Variants in CCDC148 observed in about 807,000 individuals in gnomAD.
The protein encoded by CCDC148 is coiled-coil domain containing 148.
In CCDC148, 89 loss-of-function variants were observed where a neutral mutation model predicts 85.7. That is an observed-to-expected ratio of 1.04 (90% CI 0.87 to 1.24). CCDC148 has a LOEUF of 1.24. Ranked by LOEUF, CCDC148 falls within the 50% of genes most tolerant of loss-of-function variation. The pLI is 0.00. For missense variants in CCDC148, 692 were observed against 671.7 expected, an observed-to-expected ratio of 1.03 and a Z score of -0.33; for synonymous variants, 230 against 213.9, an observed-to-expected ratio of 1.08 and a Z score of -0.66.
chr2:158,338,802 T>C lies in CCDC148; in HGVS notation c.688A>G (p.Ser230Gly). ...PYPDLKSSIL[S>G]EFYKFTQKYQ... The stretch of plus-strand genomic sequence containing the variant: ...TTCTGTGTAAACTTATAGAACTCAC[T>C]GAGAATTGAAGATTTCAAATCAGGG... Residue 230 changes from serine to glycine, a missense_variant, in exon 7 of 14, where the codon AGT becomes GGT. Coordinates refer to ENST00000283233, the MANE Select transcript of CCDC148 (RefSeq NM_138803.4). The C allele has an allele frequency of 1.2e-6, 2 of 1,611,984 alleles. No homozygotes were observed. The highest frequency in any genetic ancestry group is 1.7e-6 in the Non-Finnish European group (2 of 1,179,342).
chr2:158,450,427 G>A (rs1054149985), intron 1 of CCDC148, among the ~76,000 whole-genome samples: 1 of 152,202 alleles, frequency 6.6e-6, no homozygotes, highest in African/African-American at 2.4e-5. Context: ...TGACTTGCCA[G>A]GTGCCCTGCA....
chr2:158,263,287 G>A (rs986121296), intron 9 of CCDC148, among the ~76,000 whole-genome samples: 23 of 152,148 alleles, frequency 1.5e-4, no homozygotes, highest in Non-Finnish European at 1.6e-4. Context: ...TCTGCAGTGC[G>A]TAGAGGGCAC....
At chr2:158,428,018 AGAGT>A (rs1687157192) in intron 1 of CCDC148, among the ~76,000 whole-genome samples, 2 of 152,172 alleles carry the variant, frequency 1.3e-5, no homozygotes, top group Non-Finnish European at 2.9e-5. Flanking sequence ...ATTTAGGATT[AGAGT>A]CTTTATCCTA....
intron 9 of CCDC148, among the ~76,000 whole-genome samples, chr2:158,260,493 T>C (rs1467047140): frequency 6.6e-6 from 1 of 151,982 alleles, no homozygotes; most frequent in East Asian, 1.9e-4. Context: ...TGCAACATAG[T>C]ATTAGAAGTC....
chr2:158,353,284 A>G (rs912314354), intron 2 of CCDC148, among the ~76,000 whole-genome samples: 6 of 137,872 alleles, frequency 4.4e-5, no homozygotes, highest in African/African-American at 1.1e-4. Context: ...AGACTGGCAA[A>G]TTGGATAAAG....
At chr2:158,220,836 T>C in intron 10 of CCDC148, 123 bp from the exon 11 acceptor site, 1 of 696,394 alleles carries the variant, frequency 1.4e-6, no homozygotes, top group Non-Finnish European at 2.4e-6. Context: ...TTCATCTTTT[T>C]TGTTTCATAG....
rs180750817 is a variant in CCDC148 at position 158,242,228 on chromosome 2, C to G, written c.1251+8544G>C. Among the ~76,000 whole-genome samples the G allele has an allele frequency of 2.1e-3, 312 of 152,148 alleles. 1 individual carries two copies. Among genetic ancestry groups the G allele is most frequent in the Non-Finnish European group, 3.8e-3 (258 of 67,974 alleles). ...ATAGTTTCTGAATCAGCATTAAAAC[C>G]ACTGCCTCTCATTATTATTATCTTT... is the stretch of plus-strand genomic sequence containing the variant. On this transcript the variant is annotated intron_variant, in intron 10 of 13. Coordinates refer to ENST00000283233, the MANE Select transcript of CCDC148 (RefSeq NM_138803.4).
intron 11 of CCDC148, among the ~76,000 whole-genome samples, chr2:158,209,420 C>T (rs532553913): frequency 6.6e-6 from 1 of 152,128 alleles, no homozygotes; most frequent in African/African-American, 2.4e-5. Flanking sequence ...ATAAAGACAT[C>T]AATACATCAA....
At position 158,226,101 on chromosome 2, in the gene CCDC148, A is replaced by C. The variant is rs1375788577; in HGVS notation, c.1252-5388T>G. On this transcript the variant is annotated intron_variant, in intron 10 of 13. Coordinates refer to ENST00000283233, the MANE Select transcript of CCDC148 (RefSeq NM_138803.4). ...AAAGAGAGAAGAATCAAATAGACGC[A>C]ATAAAAAATGATAAAGGGGATATCA... Among the ~76,000 whole-genome samples, 3 of 152,238 alleles carry C rather than the reference A, an allele frequency of 2.0e-5. No individual in the cohort carries two copies. The East Asian group carries it at 5.8e-4, about 29-fold the overall frequency.
At chr2:158,341,002 G>C (rs975023060) in intron 3 of CCDC148, among the ~76,000 whole-genome samples, 3 of 152,124 alleles carry the variant, frequency 2.0e-5, no homozygotes, top group Admixed American at 6.6e-5. Context: ...AGATTCCCAA[G>C]ACAACAAGAT....
rs922702970 is a variant in CCDC148 at position 158,434,499 on chromosome 2, A to T, written c.25+21916T>A. On this transcript the variant is annotated intron_variant, in intron 1 of 13. Transcript: ENST00000283233. Reference sequence around the variant, plus strand: ...CACCATCATAGAAGACCAAAGGTAGATAAAACCACAAAGATGGGGTAACCA... The same window carrying T: ...CACCATCATAGAAGACCAAAGGTAGTTAAAACCACAAAGATGGGGTAACCA... Among the ~76,000 whole-genome samples the T allele has an allele frequency of 3.3e-5, 5 of 152,354 alleles. No homozygotes were observed. The East Asian group carries it at 9.6e-4, about 29-fold the overall frequency.
intron 3 of CCDC148, among the ~76,000 whole-genome samples, chr2:158,344,211 G>A (rs1682882106): frequency 1.3e-5 from 2 of 151,980 alleles, no homozygotes; most frequent in South Asian, 4.2e-4. Context: ...TCCATAAAAG[G>A]TGACTTTTTG....
intron 7 of CCDC148, among the ~76,000 whole-genome samples, chr2:158,323,843 A>G (rs1692631603): frequency 6.6e-6 from 1 of 151,904 alleles, no homozygotes; most frequent in Non-Finnish European, 1.5e-5. Context: ...GATTTTTAAA[A>G]ACATGTATTT....
chr2:158,398,694 A>G (rs539432988), intron 1 of CCDC148, among the ~76,000 whole-genome samples: 2 of 152,220 alleles, frequency 1.3e-5, no homozygotes, highest in South Asian at 2.1e-4. Context: ...AATCGACACC[A>G]TAACAACACA....
At position 158,276,377 on chromosome 2, in the gene CCDC148, T is replaced by G. The variant is rs1366534151; in HGVS notation, c.1111-25465A>C. 3.9e-5 allele frequency among the ~76,000 whole-genome samples: 6 copies of G among 152,224 alleles called. No individual in the cohort carries two copies. The East Asian group carries it at 7.7e-4, about 20-fold the overall frequency. ...TGAACCTGGGAAGCGGAGGTTGCAGTGAGCTGAGATCACACCACTGCACTC... is the reference window on the plus strand; with the variant it reads ...TGAACCTGGGAAGCGGAGGTTGCAGGGAGCTGAGATCACACCACTGCACTC... On this transcript the variant is annotated intron_variant, in intron 9 of 13. Coordinates refer to ENST00000283233, the MANE Select transcript of CCDC148 (RefSeq NM_138803.4).
At chr2:158,333,695 G>T (rs1400520076) in intron 7 of CCDC148, among the ~76,000 whole-genome samples, 1 of 152,122 alleles carries the variant, frequency 6.6e-6, no homozygotes, top group Non-Finnish European at 1.5e-5. Flanking sequence ...GGATCTGGGT[G>T]CTCCTGTATT....
Position 158,338,989 on chromosome 2 carries a change from C to G in CCDC148, c.582+1G>C, listed in dbSNP as rs759665333. ...TAAATTATTAGCCACATCACACTTA[C>G]CTTTATACTCCAGTCTGAAAGATCA... On this transcript the variant is annotated splice_donor_variant, in intron 6 of 13. Transcript: ENST00000283233. LOFTEE classifies it high-confidence loss of function. 5 of 1,611,706 alleles carry G rather than the reference C, an allele frequency of 3.1e-6. No individual in the cohort carries two copies. The highest frequency in any genetic ancestry group is 4.2e-6 in the Non-Finnish European group (5 of 1,178,218).
At chr2:158,416,506 C>T (rs925822006) in intron 1 of CCDC148, among the ~76,000 whole-genome samples, 1 of 152,136 alleles carries the variant, frequency 6.6e-6, no homozygotes, top group Non-Finnish European at 1.5e-5. Context: ...CTCTCAAGTA[C>T]AAAGTTCAAC....
chr2:158,233,709 T>C (rs1687964016), intron 10 of CCDC148, among the ~76,000 whole-genome samples: 1 of 151,934 alleles, frequency 6.6e-6, no homozygotes, highest in South Asian at 2.1e-4. Context: ...CAACAGAGAA[T>C]GGGGACCTGG....
Sources: gnomAD v4.1 joint callset for allele counts (sites outside exome capture counted in the v4.1 genomes callset) on GRCh38, gnomAD v4.1.1 for gene constraint, MANE v1.5 for transcripts, NCBI Gene and HGNC (gene_info 2026-07-23, HGNC 2026-07-21) for gene names.